The following PURA variants were observed in gnomAD, a reference collection of about 807,000 sequenced individuals.
PURA encodes purine rich element binding protein A, also known as transcriptional activator protein Pur-alpha.
PURA carries 2 observed loss-of-function variants against 23.1 expected under a neutral mutation model. The ratio of observed to expected loss-of-function variants is 0.09; its 90% CI spans 0.04 to 0.27. The LOEUF is 0.27. PURA is among the 10% of genes least tolerant of loss of function. PURA has a pLI of 1.00. For synonymous variants in PURA, 254 were observed against 205.9 expected (o/e 1.23, Z -2.00); for missense variants, 187 against 449.7 (o/e 0.42, Z 5.28).
At position 140,117,772 on chromosome 5, in the gene PURA, C is replaced by T. The variant is rs1232310636; in HGVS notation, c.*2622C>T. The T allele has an allele frequency of 1.8e-5, 3 of 165,422 alleles. No homozygotes were observed. The highest frequency in any genetic ancestry group is 4.4e-5 in the Non-Finnish European group (3 of 68,094). 10.2% of individuals were successfully genotyped at this position (165,422 alleles called of 1,614,324 possible). ...GCAATTAATTGTCTTTACACTAAAA[C>T]AGTTTAATACAATCTAACTACGATT... On this transcript the variant is annotated 3_prime_UTR_variant, in exon 1 of 1. Transcript: ENST00000331327.
rs1371319419 is a variant in PURA, at chr5:140,116,988, G to A, written c.*1838G>A. The A allele has an allele frequency of 1.2e-5, 2 of 166,890 alleles. No individual in the cohort carries two copies. The highest frequency in any genetic ancestry group is 4.8e-5 in the African/African-American group (2 of 41,416). 10.3% of individuals were successfully genotyped at this position (166,890 alleles called of 1,614,324 possible). A position where few individuals can be genotyped will look rare whatever the true frequency, so the allele number is the denominator to read the frequency against. ...ATATTGTAAAGCATTGGCCTAGGAA[G>A]GCAAACAGTTGTCTTTTTGAAGGAT... On this transcript the variant is annotated 3_prime_UTR_variant, in exon 1 of 1. Transcript: ENST00000331327.
At position 140,114,584 on chromosome 5, in the gene PURA, G is replaced by T. The variant is rs1763046148; in HGVS notation, c.403G>T (p.Ala135Ser). The change falls in exon 1 of 1, where the codon GCG becomes TCG. Residue 135 changes from alanine (A) to serine (S), a missense_variant. This residue lies in a region of PURA where 26 missense variants were observed against 29.1 expected (regional missense o/e 0.89). Transcript: ENST00000331327. Reference protein sequence around the residue: ...GPSQPPDLAQAQDEPRRALKS... With the variant: ...GPSQPPDLAQSQDEPRRALKS... ...CAGCCAGCCGCCGGACCTGGCCCAG[G>T]CGCAGGACGAGCCGCGCCGGGCGCT... is the stretch of plus-strand genomic sequence containing the variant. 6.2e-7 allele frequency: 1 copy of T among 1,602,708 alleles called. No homozygotes were observed. Among genetic ancestry groups the T allele is most frequent in the Non-Finnish European group, 8.5e-7 (1 of 1,176,632 alleles).
Position 140,115,023 on chromosome 5 carries a change from T to C in PURA, c.842T>C (p.Ile281Thr), listed in dbSNP as rs765132127. Reference protein sequence around the residue: ...FCKYSEEMKKIQEKQREKRAA... With the variant: ...FCKYSEEMKKTQEKQREKRAA... ...AAGTACTCGGAGGAGATGAAGAAGA[T>C]TCAAGAGAAGCAGAGGGAGAAGCGG... is the stretch of plus-strand genomic sequence containing the variant. The change falls in exon 1 of 1, where the codon ATT becomes ACT. Residue 281 changes from isoleucine to threonine, a missense_variant. This residue lies in a region of PURA where 65 missense variants were observed against 158.6 expected (regional missense o/e 0.41). Coordinates refer to ENST00000331327, the MANE Select transcript of PURA (RefSeq NM_005859.5). This position sits in a 1 kb window ranked among gnomAD's most constrained non-coding sequence, Gnocchi z 4.1. 6.2e-7 allele frequency: 1 copy of C among 1,613,962 alleles called. No individual in the cohort carries two copies.
rs1763152570 is a variant in PURA at position 140,121,455 on chromosome 5, A to G, written c.*6305A>G. On this transcript the variant is annotated 3_prime_UTR_variant, in exon 1 of 1. Coordinates refer to ENST00000331327, the MANE Select transcript of PURA (RefSeq NM_005859.5). ...CCCATTCAGCTGGAGTGGATTGGCA[A>G]TTTTAAATGCAGGTAGTTGGTGGTG... The G allele has an allele frequency of 6.0e-6, 1 of 166,826 alleles. No individual in the cohort carries two copies. Among genetic ancestry groups the G allele is most frequent in the African/African-American group, 2.4e-5 (1 of 41,394 alleles). 10.3% of individuals were successfully genotyped at this position (166,826 alleles called of 1,614,324 possible).
rs780035820 is a variant in PURA at position 140,115,104 on chromosome 5, C to T, written c.923C>T (p.Ala308Val). ...QQQQQQEETA[A>V]ATLLLQGEEE... ...CAGCAGCAGCAGGAGGAGACCGCCG[C>T]TGCCACCCTGCTACTGCAGGGTGAG... Residue 308 changes from alanine to valine, a missense_variant, in exon 1 of 1, where the codon GCT becomes GTT. Coordinates refer to ENST00000331327, the MANE Select transcript of PURA (RefSeq NM_005859.5). This position sits in a 1 kb window ranked among gnomAD's most constrained non-coding sequence, Gnocchi z 4.1. 1.1e-5 allele frequency: 18 copies of T among 1,606,978 alleles called. No homozygotes were observed. Among genetic ancestry groups the T allele is most frequent in the African/African-American group, 2.7e-5 (2 of 74,684 alleles).
rs981279327 is a variant in PURA at position 140,118,629 on chromosome 5, T to C, written c.*3479T>C. 3.0e-5 allele frequency: 5 copies of C among 166,720 alleles called. No individual in the cohort carries two copies. The highest frequency in any genetic ancestry group is 1.3e-4 in the Admixed American group (2 of 15,234). The allele number at this position is 166,720 out of a possible 1,614,324, so 10.3% of individuals were successfully genotyped here. On this transcript the variant is annotated 3_prime_UTR_variant, in exon 1 of 1. Transcript: ENST00000331327. ...CTACTAGATACAGATTGGAGGTAGATGAATATTTGCCAAATGGAAAAAAAG... is the reference window on the plus strand; with the variant it reads ...CTACTAGATACAGATTGGAGGTAGACGAATATTTGCCAAATGGAAAAAAAG...
rs539793297 is a variant in PURA at position 140,125,392 on chromosome 5, A to G, written c.*10242A>G. On this transcript the variant is annotated 3_prime_UTR_variant, in exon 1 of 1. Transcript: ENST00000331327. ...CATTATAACAACCAGAGAGAAGGGA[A>G]AAAAGCAAAGTTCTGAAAGCTATTT... 3 of 167,198 alleles carry G rather than the reference A, an allele frequency of 1.8e-5. No individual in the cohort carries two copies. The East Asian group carries it at 5.8e-4, about 32-fold the overall frequency. 10.4% of individuals were successfully genotyped at this position (167,198 alleles called of 1,614,324 possible).
In PURA at chr5:140,114,139, C is replaced by T; in HGVS notation, c.-43C>T. 1 of 459,534 alleles carries T rather than the reference C, an allele frequency of 2.2e-6. No homozygotes were observed. The highest frequency in any genetic ancestry group is 3.3e-6 in the Non-Finnish European group (1 of 305,264). 28.5% of individuals were successfully genotyped at this position (459,534 alleles called of 1,614,324 possible). On this transcript the variant is annotated 5_prime_UTR_variant, in exon 1 of 1. Coordinates refer to ENST00000331327, the MANE Select transcript of PURA (RefSeq NM_005859.5). Reference sequence around the variant, plus strand: ...CGGCTGAGGCGACTGAGGCGGCGGGCGGAGCGGCAGGCGGCGGCGGCGCGG... The same window carrying T: ...CGGCTGAGGCGACTGAGGCGGCGGGTGGAGCGGCAGGCGGCGGCGGCGCGG...
chr5:140,122,320 G>A lies in PURA; in HGVS notation c.*7170G>A, dbSNP rs1182819394. The A allele has an allele frequency of 1.2e-5, 2 of 166,676 alleles. No homozygotes were observed. Among genetic ancestry groups the A allele is most frequent in the Non-Finnish European group, 2.9e-5 (2 of 67,950 alleles). The allele number at this position is 166,676 out of a possible 1,614,324, so 10.3% of individuals were successfully genotyped here. A position where few individuals can be genotyped will look rare whatever the true frequency, so the allele number is the denominator to read the frequency against. ...ATACTATCTATTTTCTTGGGCTCTT[G>A]TTACAATGTAGTTTACCTTTACTTT... On this transcript the variant is annotated 3_prime_UTR_variant, in exon 1 of 1. Coordinates refer to ENST00000331327, the MANE Select transcript of PURA (RefSeq NM_005859.5).
chr5:140,115,515 C>T lies in PURA; in HGVS notation c.*365C>T, dbSNP rs919281751. 5.8e-6 allele frequency: 1 copy of T among 173,870 alleles called. No individual in the cohort carries two copies. Among genetic ancestry groups the T allele is most frequent in the Non-Finnish European group, 1.4e-5 (1 of 72,908 alleles). The allele number at this position is 173,870 out of a possible 1,614,324, so 10.8% of individuals were successfully genotyped here. A position where few individuals can be genotyped will look rare whatever the true frequency, so the allele number is the denominator to read the frequency against. On this transcript the variant is annotated 3_prime_UTR_variant, in exon 1 of 1. Transcript: ENST00000331327. The surrounding 1 kb of genome is among the most constrained non-coding windows in gnomAD (Gnocchi z 4.1). ...CCCTAATTAACCAAGAACTTTTGTA[C>T]ACGTTTAAGCTATTATTATTAAAAA...
rs1031585848 is a variant in PURA at position 140,119,474 on chromosome 5, A to G, written c.*4324A>G. On this transcript the variant is annotated 3_prime_UTR_variant, in exon 1 of 1. Transcript: ENST00000331327. ...ATATAGGGATGCTGTACTTTTTCTT[A>G]AGGAAAACTGAATTAAATTTGGGTG... 5 of 166,842 alleles carry G rather than the reference A, an allele frequency of 3.0e-5. No individual in the cohort carries two copies. Among genetic ancestry groups the G allele is most frequent in the Non-Finnish European group, 7.4e-5 (5 of 67,970 alleles). 10.3% of individuals were successfully genotyped at this position (166,842 alleles called of 1,614,324 possible). A position where few individuals can be genotyped will look rare whatever the true frequency, so the allele number is the denominator to read the frequency against.
In PURA at chr5:140,124,638, T is replaced by C. The variant is rs1269044833; in HGVS notation, c.*9488T>C. On this transcript the variant is annotated 3_prime_UTR_variant, in exon 1 of 1. Coordinates refer to ENST00000331327, the MANE Select transcript of PURA (RefSeq NM_005859.5). ...CTAAATATGGACCAATTTTGGGAAA[T>C]GAAGATTAATAAGTGTATATTTGAT... is the stretch of plus-strand genomic sequence containing the variant. 1 of 167,064 alleles carries C rather than the reference T, an allele frequency of 6.0e-6. No individual in the cohort carries two copies. Among genetic ancestry groups the C allele is most frequent in the Admixed American group, 6.5e-5 (1 of 15,284 alleles). 10.3% of individuals were successfully genotyped at this position (167,064 alleles called of 1,614,324 possible).
chr5:140,115,012 G>A lies in PURA; in HGVS notation c.831G>A (p.Glu277=). ...ACACCTTCTGCAAGTACTCGGAGGA[G>A]ATGAAGAAGATTCAAGAGAAGCAGA... ...FGHTFCKYSE[E]MKKIQEKQRE... The change falls in exon 1 of 1, where the codon GAG becomes GAA. Residue 277 remains glutamate (E), a synonymous_variant. Transcript: ENST00000331327. This position sits in a 1 kb window ranked among gnomAD's most constrained non-coding sequence, Gnocchi z 4.1. The A allele has an allele frequency of 6.2e-7, 1 of 1,614,224 alleles. No homozygotes were observed. The highest frequency in any genetic ancestry group is 8.5e-7 in the Non-Finnish European group (1 of 1,180,034).
chr5:140,114,154 C>T lies in PURA; in HGVS notation c.-28C>T. Reference sequence around the variant, plus strand: ...AGGCGGCGGGCGGAGCGGCAGGCGGCGGCGGCGCGGCAGCGGAGCGCAGCA... The same window carrying T: ...AGGCGGCGGGCGGAGCGGCAGGCGGTGGCGGCGCGGCAGCGGAGCGCAGCA... On this transcript the variant is annotated 5_prime_UTR_variant, in exon 1 of 1. Coordinates refer to ENST00000331327, the MANE Select transcript of PURA (RefSeq NM_005859.5). The T allele has an allele frequency of 8.7e-6, 5 of 577,594 alleles. No homozygotes were observed. The highest frequency in any genetic ancestry group is 4.9e-6 in the Non-Finnish European group (2 of 405,618). 35.8% of individuals were successfully genotyped at this position (577,594 alleles called of 1,614,324 possible).
In PURA at chr5:140,114,745, T is replaced by C. The variant is rs1581036495; in HGVS notation, c.564T>C (p.Ile188=). 6.2e-7 allele frequency: 1 copy of C among 1,612,794 alleles called. No individual in the cohort carries two copies. The highest frequency in any genetic ancestry group is 8.5e-7 in the Non-Finnish European group (1 of 1,179,408). Residue 188 remains isoleucine (I), a synonymous_variant, in exon 1 of 1, where the codon ATT becomes ATC. Coordinates refer to ENST00000331327, the MANE Select transcript of PURA (RefSeq NM_005859.5). ...PGLGSTQGQT[I]ALPAQGLIEF... ...TGGGCTCCACGCAGGGCCAGACCAT[T>C]GCGCTGCCCGCGCAGGGGCTCATCG...
rs939474341 is a variant in PURA, at chr5:140,116,398, G to A, written c.*1248G>A. 6.0e-6 allele frequency: 1 copy of A among 167,088 alleles called. No individual in the cohort carries two copies. Among genetic ancestry groups the A allele is most frequent in the Admixed American group, 6.5e-5 (1 of 15,284 alleles). 10.4% of individuals were successfully genotyped at this position (167,088 alleles called of 1,614,324 possible). A position where few individuals can be genotyped will look rare whatever the true frequency, so the allele number is the denominator to read the frequency against. ...TCTGAGTTTTGTTTTAAAAGTGAAA[G>A]CCAAGTTGGTGTATGTAAAGGATTT... On this transcript the variant is annotated 3_prime_UTR_variant, in exon 1 of 1. Transcript: ENST00000331327.
Position 140,123,363 on chromosome 5 carries a change from CA to C in PURA, c.*8217del, listed in dbSNP as rs1763172297. 6.0e-6 allele frequency: 1 copy of C among 166,886 alleles called. No individual in the cohort carries two copies. The highest frequency in any genetic ancestry group is 2.4e-5 in the African/African-American group (1 of 41,426). 10.3% of individuals were successfully genotyped at this position (166,886 alleles called of 1,614,324 possible). A position where few individuals can be genotyped will look rare whatever the true frequency, so the allele number is the denominator to read the frequency against. On this transcript the variant is annotated 3_prime_UTR_variant, in exon 1 of 1. Transcript: ENST00000331327. Reference sequence around the variant, plus strand: ...ATAAAGTTGTCAATGTGTAAAAGTGCAAAAGCAGGAAAGACTAAAGTTGCCT... The same window carrying C: ...ATAAAGTTGTCAATGTGTAAAAGTGCAAAGCAGGAAAGACTAAAGTTGCCT...
rs1306460112 is a variant in PURA at position 140,123,902 on chromosome 5, A to T, written c.*8752A>T. On this transcript the variant is annotated 3_prime_UTR_variant, in exon 1 of 1. Coordinates refer to ENST00000331327, the MANE Select transcript of PURA (RefSeq NM_005859.5). ...AGCTCCCTCTTTCATGTAGTTTTCC[A>T]TAATGTTCATATAGTTTCCTTATGG... 1.2e-5 allele frequency: 2 copies of T among 167,042 alleles called. No homozygotes were observed. Among genetic ancestry groups the T allele is most frequent in the African/African-American group, 2.4e-5 (1 of 41,436 alleles). The allele number at this position is 167,042 out of a possible 1,614,324, so 10.3% of individuals were successfully genotyped here.
In PURA at chr5:140,115,123, G is replaced by A. The variant is rs781713195; in HGVS notation, c.942G>A (p.Gln314=). ...EETAAATLLL[Q]GEEEGEED ...CCGCCGCTGCCACCCTGCTACTGCA[G>A]GGTGAGGAAGAAGGGGAAGAAGATT... Residue 314 remains glutamine, a synonymous_variant, in exon 1 of 1, where the codon CAG becomes CAA. Coordinates refer to ENST00000331327, the MANE Select transcript of PURA (RefSeq NM_005859.5). The surrounding 1 kb of genome is among the most constrained non-coding windows in gnomAD (Gnocchi z 4.1). 6.3e-7 allele frequency: 1 copy of A among 1,586,524 alleles called. No homozygotes were observed. The highest frequency in any genetic ancestry group is 8.6e-7 in the Non-Finnish European group (1 of 1,166,482).
Sources: gnomAD v4.1 joint callset for allele counts on GRCh38, gnomAD v4.1.1 for gene constraint, gnomAD v4.1.1 regional missense constraint, Gnocchi (gnomAD v3.1) non-coding constraint, MANE v1.5 for transcripts, NCBI Gene and HGNC (gene_info 2026-07-23, HGNC 2026-07-21) for gene names.